DLG2: variants seen among roughly 807,000 people sequenced by gnomAD.
DLG2 encodes disks large homolog 2.
A neutral mutation model predicts 132.5 loss-of-function variants in DLG2; 45 were observed. The observed-to-expected ratio is 0.34, with a 90% confidence interval of 0.27 to 0.44. DLG2 has a LOEUF of 0.44. Ranked by LOEUF, DLG2 falls within the 20% of genes least tolerant of loss-of-function variation. DLG2 has a pLI of 1.00. For synonymous variants in DLG2, 424 were observed against 419.6 expected (o/e 1.01, Z -0.13); for missense variants, 1,045 against 1,196.9 (o/e 0.87, Z 1.87).
chr11:85,242,150 C>T (rs893939063), intron 4 of DLG2, among the ~76,000 whole-genome samples: 1 of 151,908 alleles, frequency 6.6e-6, no homozygotes, highest in African/African-American at 2.4e-5. Context: ...GGATTATAGG[C>T]CAGTGCTTTA....
At position 85,250,652 on chromosome 11, in the gene DLG2, G is replaced by T. The variant is rs1326141504; in HGVS notation, c.186+34568C>A. ...TTGAGGTTCTTGAAGATACAAAGAT[G>T]AACAGATCATGGAGCATATAATTTA... On this transcript the variant is annotated intron_variant, in intron 4 of 27. Transcript: ENST00000376104. Among the ~76,000 whole-genome samples the T allele has an allele frequency of 8.5e-5, 13 of 152,182 alleles. No homozygotes were observed. In the East Asian group the frequency reaches 2.5e-3, roughly 29 times the overall value.
chr11:84,830,235 C>A (rs1020688943), intron 6 of DLG2, among the ~76,000 whole-genome samples: 2 of 151,476 alleles, frequency 1.3e-5, no homozygotes, highest in Admixed American at 6.6e-5. Context: ...TATGAGGAGG[C>A]AAGTATGAAT....
At chr11:83,663,113 C>T (rs1433032320) in intron 18 of DLG2, among the ~76,000 whole-genome samples, 1 of 152,132 alleles carries the variant, frequency 6.6e-6, no homozygotes, top group Non-Finnish European at 1.5e-5. Context: ...ATTTTCCTGA[C>T]TAATTTAATG....
chr11:85,598,377 G>C (rs551779438), intron 3 of DLG2, among the ~76,000 whole-genome samples: 1 of 152,074 alleles, frequency 6.6e-6, no homozygotes, highest in East Asian at 1.9e-4. Flanking sequence ...GTTTTCTTCT[G>C]TGTAAACTTT....
chr11:84,928,980 G>GTATATATA (rs1385905913), intron 6 of DLG2, among the ~76,000 whole-genome samples: 88 of 40,186 alleles, frequency 2.2e-3, no homozygotes, highest in African/African-American at 6.2e-3. Flanking sequence ...GTGTGTGTGT[G>GTATATATA]TGTATATATA....
intron 15 of DLG2, among the ~76,000 whole-genome samples, chr11:83,920,172 C>G (rs758073441): frequency 2.0e-5 from 3 of 152,128 alleles, no homozygotes; most frequent in Non-Finnish European, 4.4e-5. Context: ...TAAAATTCCT[C>G]TTTACCCTCT....
At chr11:85,373,366 C>A (rs904191206) in intron 3 of DLG2, among the ~76,000 whole-genome samples, 4 of 152,112 alleles carry the variant, frequency 2.6e-5, no homozygotes, top group Non-Finnish European at 4.4e-5. Flanking sequence ...CCCCTCCTAC[C>A]AGGAACACTT....
intron 4 of DLG2, among the ~76,000 whole-genome samples, chr11:85,172,225 C>A (rs1298934518): frequency 6.6e-6 from 1 of 152,178 alleles, no homozygotes; most frequent in Non-Finnish European, 1.5e-5. Context: ...GGTTGGTGAC[C>A]CCCTGAAATC....
intron 19 of DLG2, among the ~76,000 whole-genome samples, chr11:83,576,343 A>G (rs1025654632): frequency 1.3e-5 from 2 of 152,190 alleles, no homozygotes; most frequent in African/African-American, 4.8e-5. Flanking sequence ...AGTGAGAAGG[A>G]AAGGAAAAAT....
At chr11:83,651,299 A>G (rs1278998287) in intron 18 of DLG2, among the ~76,000 whole-genome samples, 1 of 152,212 alleles carries the variant, frequency 6.6e-6, no homozygotes, top group Non-Finnish European at 1.5e-5. Context: ...GGGGCAAATT[A>G]CTTAACATTT....
chr11:85,454,616 T>A (rs1315478939), intron 3 of DLG2, among the ~76,000 whole-genome samples: 1 of 152,204 alleles, frequency 6.6e-6, no homozygotes, highest in Non-Finnish European at 1.5e-5. Flanking sequence ...AGGTCCTATG[T>A]CCAGAATGGT....
chr11:83,849,018 A>T (rs369034732), intron 16 of DLG2, among the ~76,000 whole-genome samples: 3 of 152,180 alleles, frequency 2.0e-5, no homozygotes, highest in East Asian at 1.9e-4. Flanking sequence ...GGAATTCTTT[A>T]TGCACAAAAA....
intron 6 of DLG2, among the ~76,000 whole-genome samples, chr11:85,093,273 TCATA>T (rs2069122401): frequency 6.6e-6 from 1 of 151,504 alleles, no homozygotes; most frequent in African/African-American, 2.4e-5. Flanking sequence ...GGGGCAGAAG[TCATA>T]CACAATTCAA....
intron 11 of DLG2, 67 bp downstream of exon 11, chr11:84,059,248 A>T (rs1323080018): frequency 9.5e-6 from 14 of 1,475,020 alleles, no homozygotes; most frequent in Admixed American, 3.5e-5. Flanking sequence ...TCATACGACT[A>T]TCGTGGCATA....
At chr11:83,810,537 G>C (rs545317784) in intron 17 of DLG2, among the ~76,000 whole-genome samples, 1 of 152,074 alleles carries the variant, frequency 6.6e-6, no homozygotes, top group Non-Finnish European at 1.5e-5. Context: ...TTTAGCTTTG[G>C]AATTTTGTAC....
At chr11:84,274,721 T>C (rs1424412191) in intron 7 of DLG2, among the ~76,000 whole-genome samples, 1 of 152,260 alleles carries the variant, frequency 6.6e-6, no homozygotes, top group Non-Finnish European at 1.5e-5. Context: ...TTACCTAATT[T>C]GTAAATTTTA....
chr11:83,653,934 C>T (rs1727441299), intron 18 of DLG2, among the ~76,000 whole-genome samples: 1 of 151,956 alleles, frequency 6.6e-6, no homozygotes, highest in Admixed American at 6.6e-5. Context: ...TGGCCATGCT[C>T]GTCTCAAAAT....
At chr11:83,701,875 C>T (rs1282062069) in intron 18 of DLG2, among the ~76,000 whole-genome samples, 1 of 152,222 alleles carries the variant, frequency 6.6e-6, no homozygotes, top group Non-Finnish European at 1.5e-5. Context: ...GGCCACATCA[C>T]ATAATGCTGA....
rs1593216204 is a variant in DLG2, at chr11:84,594,573, G to A, written c.358-59842C>T. ...ACAAAGTAGCAGTCCAAAAAATTGT[G>A]ACTGAAATACGGATGGGACTGGTAG... is the stretch of plus-strand genomic sequence containing the variant. On this transcript the variant is annotated intron_variant, in intron 6 of 27. Coordinates refer to ENST00000376104, the MANE Select transcript of DLG2 (RefSeq NM_001142699.3). 9.2e-5 allele frequency among the ~76,000 whole-genome samples: 14 copies of A among 152,328 alleles called. No individual in the cohort carries two copies. The South Asian group carries it at 2.5e-3, about 27-fold the overall frequency.
Sources: gnomAD v4.1 joint callset for allele counts (sites outside exome capture counted in the v4.1 genomes callset) on GRCh38, gnomAD v4.1.1 for gene constraint, MANE v1.5 for transcripts, NCBI Gene and HGNC (gene_info 2026-07-23, HGNC 2026-07-21) for gene names.